The following CASZ1 variants were observed in gnomAD, a reference collection of about 807,000 sequenced individuals.
CASZ1 encodes the protein zinc finger protein castor homolog 1.
In CASZ1, 28 loss-of-function variants were observed where a neutral mutation model predicts 135.2. That is an observed-to-expected ratio of 0.21 (90% CI 0.15 to 0.28). The LOEUF is 0.28. Among genes scored for constraint, CASZ1 ranks in the 10% least tolerant of loss-of-function variants. The pLI is 1.00. For synonymous variants in CASZ1, 1,068 were observed against 1,073.4 expected (o/e 0.99, Z 0.10); for missense variants, 2,161 against 2,453.3 (o/e 0.88, Z 2.52).
intron 1 of CASZ1, among the ~76,000 whole-genome samples, chr1:10,786,692 G>A (rs1640865135): frequency 6.6e-6 from 1 of 152,186 alleles, no homozygotes; most frequent in Non-Finnish European, 1.5e-5. Flanking sequence ...AAGGTCACAC[G>A]ATTTTGATCC....
rs1194855655 is a variant in CASZ1, at chr1:10,679,724, G to A, written c.16+14150C>T. ...ACAGTCCCCAACCCCAACTCTGGAA[G>A]CTCCACTTCAGGTTTTCCATACTAC... On this transcript the variant is annotated intron_variant, in intron 4 of 20. Transcript: ENST00000377022. The surrounding 1 kb of genome is among the most constrained non-coding windows in gnomAD (Gnocchi z 4.7). 6.6e-6 allele frequency among the ~76,000 whole-genome samples: 1 copy of A among 152,218 alleles called. No homozygotes were observed. Among genetic ancestry groups the A allele is most frequent in the South Asian group, 2.1e-4 (1 of 4,834 alleles).
intron 2 of CASZ1, among the ~76,000 whole-genome samples, chr1:10,748,445 T>C (rs114177980): frequency 0.014 from 2,193 of 152,284 alleles, 48 homozygotes; most frequent in African/African-American, 0.044. Context: ...CCAGGTCCGG[T>C]CACAGGCATT....
At chr1:10,782,149 C>T (rs1640774089) in intron 1 of CASZ1, among the ~76,000 whole-genome samples, 1 of 152,332 alleles carries the variant, frequency 6.6e-6, no homozygotes, top group Admixed American at 6.5e-5. Context: ...TAAAGAGTTG[C>T]TATGTCACAA....
intron 1 of CASZ1, among the ~76,000 whole-genome samples, chr1:10,765,694 G>T (rs1640462789): frequency 6.6e-6 from 1 of 152,190 alleles, no homozygotes; most frequent in Admixed American, 6.5e-5. Context: ...GGGAGAGAGA[G>T]ATGGGGCAAG....
intron 2 of CASZ1, among the ~76,000 whole-genome samples, chr1:10,740,795 A>AT (rs1363431617): frequency 1.0e-3 from 157 of 151,498 alleles, no homozygotes; most frequent in African/African-American, 3.2e-3. Context: ...CACAAAAAAA[A>AT]TTTTTTTTTA....
At chr1:10,662,508 G>A (rs759564353) in intron 5 of CASZ1, among the ~76,000 whole-genome samples, 1 of 150,316 alleles carries the variant, frequency 6.7e-6, no homozygotes, top group Non-Finnish European at 1.5e-5. Context: ...ACCCACACAC[G>A]GTCACATGCA....
chr1:10,688,383 G>C (rs942992759), intron 4 of CASZ1, among the ~76,000 whole-genome samples: 4 of 152,188 alleles, frequency 2.6e-5, no homozygotes, highest in African/African-American at 9.7e-5. Context: ...GGATGAAAAA[G>C]ACAGAAAAAC....
chr1:10,713,561 C>G (rs562076454), intron 2 of CASZ1, among the ~76,000 whole-genome samples: 27 of 152,354 alleles, frequency 1.8e-4, no homozygotes, highest in African/African-American at 6.5e-4. Context: ...CTCTAACCCC[C>G]TCTCTGGTTC....
intron 2 of CASZ1, among the ~76,000 whole-genome samples, chr1:10,733,981 A>G (rs970902021): frequency 7.2e-5 from 11 of 152,256 alleles, no homozygotes; most frequent in African/African-American, 2.7e-4. Flanking sequence ...ATAACTAGCG[A>G]AAGTGCTAGT....
chr1:10,684,259 G>A (rs284260), intron 4 of CASZ1, among the ~76,000 whole-genome samples: 1 of 152,028 alleles, frequency 6.6e-6, no homozygotes, highest in Non-Finnish European at 1.5e-5. Flanking sequence ...GATATGTTTG[G>A]GGGGAGAAGG....
chr1:10,783,415 A>G (rs888186219), intron 1 of CASZ1, among the ~76,000 whole-genome samples: 10 of 150,106 alleles, frequency 6.7e-5, no homozygotes, highest in Non-Finnish European at 1.5e-4. Context: ...GAAAGGAGGG[A>G]TGGAAAGAAG....
intron 1 of CASZ1, among the ~76,000 whole-genome samples, chr1:10,765,305 C>T (rs1191448712): frequency 6.6e-6 from 1 of 151,452 alleles, no homozygotes; most frequent in Non-Finnish European, 1.5e-5. Flanking sequence ...GGACAGAGCG[C>T]TAATGAGCAG....
chr1:10,653,738 C>T lies in CASZ1; in HGVS notation c.2319G>A (p.Ser773=), dbSNP rs896490530. 5.0e-6 allele frequency: 8 copies of T among 1,608,694 alleles called. No individual in the cohort carries two copies. In the African/African-American group the frequency reaches 5.3e-5, roughly 11 times the overall value. The change falls in exon 11 of 21, where the codon TCG becomes TCA. Residue 773 remains serine, a synonymous_variant. Transcript: ENST00000377022. The stretch of plus-strand genomic sequence containing the variant: ...CAGGCAGGCCCTGGGGCAGCAGCCC[C>T]GAGATCTTGCTGTTGGGAGGTTTGG... ...SATKPPNSKI[S]GLLPQGLPGS... is the part of the protein sequence containing the mutation.
chr1:10,796,123 C>T (rs1244755786), intron 1 of CASZ1, among the ~76,000 whole-genome samples: 1 of 152,070 alleles, frequency 6.6e-6, no homozygotes, highest in Non-Finnish European at 1.5e-5. Context: ...CCTGCCCCCC[C>T]GGGAGCCCAC....
At chr1:10,685,066 A>T (rs483296) in intron 4 of CASZ1, among the ~76,000 whole-genome samples, 54,025 of 152,240 alleles carry the variant, frequency 0.35, 10,997 homozygotes, top group Non-Finnish European at 0.45. Context: ...GCCCCCTGGT[A>T]TAATCCTTTC....
chr1:10,665,543 A>C lies in CASZ1; in HGVS notation c.45T>G (p.Pro15=). The change falls in exon 5 of 21, where the codon CCT becomes CCG. Residue 15 remains proline (P), a synonymous_variant. Transcript: ENST00000377022. The part of the protein sequence containing the change: ...TAEGTRCTDP[P]AGKPAMAPKR... ...TGGGCGCCATGGCGGGCTTGCCTGC[A>C]GGCGGGTCCGTGCACCGGGTGCCCT... 6.3e-7 allele frequency: 1 copy of C among 1,578,676 alleles called. No individual in the cohort carries two copies. Among genetic ancestry groups the C allele is most frequent in the Non-Finnish European group, 8.6e-7 (1 of 1,168,374 alleles).
At chr1:10,702,465 A>T (rs1394535173) in intron 3 of CASZ1, among the ~76,000 whole-genome samples, 2 of 152,222 alleles carry the variant, frequency 1.3e-5, no homozygotes, top group East Asian at 1.9e-4. Flanking sequence ...TCTGAGAAGC[A>T]TCTGGGTGGA....
At chr1:10,761,142 G>C (rs1640365238) in intron 1 of CASZ1, among the ~76,000 whole-genome samples, 1 of 152,262 alleles carries the variant, frequency 6.6e-6, no homozygotes, top group African/African-American at 2.4e-5. Flanking sequence ...ACAATACTAG[G>C]CCAATCAGGT....
chr1:10,771,548 C>T (rs759951320), intron 1 of CASZ1, among the ~76,000 whole-genome samples: 3 of 151,908 alleles, frequency 2.0e-5, no homozygotes, highest in Non-Finnish European at 4.4e-5. Flanking sequence ...ATAGCTGTTG[C>T]TTAATTTTGT....
Sources: allele counts gnomAD v4.1 joint callset (sites outside exome capture counted in the v4.1 genomes callset), GRCh38; gene constraint gnomAD v4.1.1; non-coding constraint Gnocchi (gnomAD v3.1); transcripts MANE v1.5; gene names NCBI Gene and HGNC (gene_info 2026-07-23, HGNC 2026-07-21).